Variants in NEB observed in about 807,000 individuals in gnomAD.
NEB encodes nebulin.
Under a neutral mutation model 952.2 loss-of-function variants are expected in NEB, and 512 were observed. That is an observed-to-expected ratio of 0.54 (90% CI 0.50 to 0.58). The LOEUF (loss-of-function observed/expected upper bound fraction) is 0.58. NEB is among the 20% of genes least tolerant of loss of function. The pLI is 0.00. For synonymous variants in NEB, 2,900 were observed against 3,149.8 expected (o/e 0.92, Z 2.66); for missense variants, 8,428 against 9,231.1 (o/e 0.91, Z 3.56).
At chr2:151,521,060 G>A (rs1288489621) in intron 153 of NEB, among the ~76,000 whole-genome samples, 1 of 152,008 alleles carries the variant, frequency 6.6e-6, no homozygotes, top group African/African-American at 2.4e-5. Flanking sequence ...CAACCAAAAG[G>A]GCAATATTTA....
intron 171 of NEB, 195 bp downstream of exon 171, chr2:151,497,431 T>C (rs1010489437): frequency 1.0e-6 from 1 of 979,536 alleles, no homozygotes; most frequent in African/African-American, 1.8e-5. Flanking sequence ...AATAAAAAAT[T>C]GAAATTAACT....
At chr2:151,487,955 A>G (rs748119905) in intron 181 of NEB, among the ~76,000 whole-genome samples, 3 of 152,124 alleles carry the variant, frequency 2.0e-5, no homozygotes, top group Non-Finnish European at 2.9e-5. Flanking sequence ...ATGATACAAT[A>G]TGATATTTGA....
rs201072996 is a variant in NEB, at chr2:151,568,371, A to G, written c.17681T>C (p.Leu5894Pro). The G allele has an allele frequency of 2.0e-4, 326 of 1,613,120 alleles. 5 individuals carry two copies. In the South Asian group the frequency reaches 3.4e-3, roughly 17 times the overall value. The change falls in exon 112 of 182, where the codon CTC becomes CCC. Residue 5894 changes from leucine (L) to proline (P), a missense_variant. Transcript: ENST00000397345. ...DWNATKSKYT[L>P]TETPLLHTAQ... is the part of the protein sequence containing the mutation. ...AGTGTGCAGCAGGGGGGTTTCTGTG[A>G]GGGTGTACTTTGATTTGGTGGCATT... is the stretch of plus-strand genomic sequence containing the variant.
In NEB at chr2:151,568,337, C is replaced by T; in HGVS notation, c.17715G>A (p.Glu5905=). Residue 5905 remains glutamate (E), a synonymous_variant, in exon 112 of 182, where the codon GAG becomes GAA. Coordinates refer to ENST00000397345, the MANE Select transcript of NEB (RefSeq NM_001164508.2). ...ATACCTGGTCCAGTATCCTAGCAGC[C>T]TCCTGGGCAGTGTGCAGCAGGGGGG... ...TETPLLHTAQ[E]AARILDQYLY... is the part of the protein sequence containing the mutation. The T allele has an allele frequency of 6.2e-7, 1 of 1,613,568 alleles. No individual in the cohort carries two copies.
chr2:151,664,776 G>C lies in NEB; in HGVS notation c.5326C>G (p.Gln1776Glu). The change falls in exon 43 of 182, where the codon CAA (glutamine) becomes GAA (glutamate). Residue 1776 changes from glutamine to glutamate, a missense_variant. Transcript: ENST00000397345. ...TPDILLSRVN[Q>E]ITMSDKLYKA... The stretch of plus-strand genomic sequence containing the variant: ...CTACTTACATCACTCATGGTGATTT[G>C]GTTTACTCTGGAGAGTAAAATATCC... The C allele has an allele frequency of 6.2e-7, 1 of 1,609,780 alleles. No homozygotes were observed. Among genetic ancestry groups the C allele is most frequent in the Middle Eastern group, 1.7e-4 (1 of 6,056 alleles).
intron 81 of NEB, among the ~76,000 whole-genome samples, chr2:151,609,150 G>C (rs2097827009): frequency 2.0e-5 from 3 of 151,614 alleles, no homozygotes; most frequent in South Asian, 2.1e-4. Flanking sequence ...AGTGCAATTG[G>C]AGATTGCACT....
At chr2:151,518,283 T>C in intron 156 of NEB, 35 bp downstream of exon 156, 1 of 1,424,524 alleles carries the variant, frequency 7.0e-7, no homozygotes, top group Non-Finnish European at 9.9e-7. Context: ...TGGATGAATG[T>C]GCGCCAGAGG....
At chr2:151,520,583 A>G (rs540744014) in intron 153 of NEB, among the ~76,000 whole-genome samples, 15 of 152,314 alleles carry the variant, frequency 9.8e-5, no homozygotes, top group African/African-American at 3.1e-4. Context: ...AGAGGATGAT[A>G]GCCAGGTGTG....
At chr2:151,528,635 C>T (rs1016118718) in intron 146 of NEB, among the ~76,000 whole-genome samples, 1 of 152,116 alleles carries the variant, frequency 6.6e-6, no homozygotes, top group South Asian at 2.1e-4. Flanking sequence ...GGTACTAATT[C>T]GGTTACAATG....
chr2:151,566,086 C>T (rs1047998384), intron 114 of NEB, among the ~76,000 whole-genome samples: 3 of 152,130 alleles, frequency 2.0e-5, no homozygotes, highest in Admixed American at 2.0e-4. Context: ...GCTGTTAGAT[C>T]GAGTGCTCAA....
chr2:151,612,903 G>A (rs1362024636), intron 77 of NEB, among the ~76,000 whole-genome samples: 4 of 152,284 alleles, frequency 2.6e-5, no homozygotes, highest in East Asian at 1.9e-4. Context: ...AAGTCACAGA[G>A]TACATCTCTC....
In NEB at chr2:151,498,472, A is replaced by G. The variant is rs576311412; in HGVS notation, c.24115-120T>C. ...AGTAAGTTAGAGGAAGAGAAATACCAGAAGCTTTTAGACTCAACCTGTTTG... is the reference window on the plus strand; with the variant it reads ...AGTAAGTTAGAGGAAGAGAAATACCGGAAGCTTTTAGACTCAACCTGTTTG... On this transcript the variant is annotated intron_variant, in intron 169 of 181. Coordinates refer to ENST00000397345, the MANE Select transcript of NEB (RefSeq NM_001164508.2). 9.0e-6 allele frequency: 6 copies of G among 668,460 alleles called. No homozygotes were observed. In the African/African-American group the frequency reaches 1.1e-4, roughly 12 times the overall value. The allele number at this position is 668,460 out of a possible 1,614,324, so 41.4% of individuals were successfully genotyped here.
intron 20 of NEB, 37 bp from the exon 21 acceptor site, chr2:151,692,399 A>G: frequency 1.4e-6 from 2 of 1,442,100 alleles, no homozygotes; most frequent in Non-Finnish European, 1.9e-6. Context: ...AAAAAGAAAG[A>G]AATATATATC....
chr2:151,705,128 C>T (rs1480314433), intron 13 of NEB, among the ~76,000 whole-genome samples: 1 of 152,030 alleles, frequency 6.6e-6, no homozygotes, highest in Non-Finnish European at 1.5e-5. Flanking sequence ...CCCTCCTATA[C>T]CTATAAGAAA....
At chr2:151,638,482 G>A (rs1261089834) in intron 63 of NEB, among the ~76,000 whole-genome samples, 1 of 152,194 alleles carries the variant, frequency 6.6e-6, no homozygotes, top group South Asian at 2.1e-4. Context: ...TCTGGGGGTT[G>A]GCACAGATTT....
intron 130 of NEB, among the ~76,000 whole-genome samples, chr2:151,548,749 G>A (rs1373792679): frequency 6.6e-6 from 1 of 152,146 alleles, no homozygotes; most frequent in Non-Finnish European, 1.5e-5. Context: ...ACAAGAGAAT[G>A]TATTTAAGAC....
chr2:151,537,732 T>C (rs1422315813), intron 140 of NEB, 140 bp downstream of exon 140: 5 of 518,950 alleles, frequency 9.6e-6, no homozygotes, highest in Non-Finnish European at 1.7e-5. Flanking sequence ...CACTTAGCAA[T>C]TGAGTTTTAT....
At chr2:151,692,199 C>T (rs773470077) in intron 21 of NEB, 33 bp from the exon 22 acceptor site, 13 of 1,609,118 alleles carry the variant, frequency 8.1e-6, no homozygotes, top group Non-Finnish European at 1.0e-5. Flanking sequence ...TTCAAGTTAA[C>T]AATCATTTGT....
At chr2:151,648,464 A>G (rs1353183823) in intron 54 of NEB, among the ~76,000 whole-genome samples, 1 of 152,152 alleles carries the variant, frequency 6.6e-6, no homozygotes, top group Admixed American at 6.5e-5. Flanking sequence ...TTTTATTTCC[A>G]TATATTCATG....
Sources: allele counts gnomAD v4.1 joint callset (sites outside exome capture counted in the v4.1 genomes callset), GRCh38; gene constraint gnomAD v4.1.1; transcripts MANE v1.5; gene names NCBI Gene and HGNC (gene_info 2026-07-23, HGNC 2026-07-21).